The following MIER2 variants were observed in gnomAD, a reference collection of about 807,000 sequenced individuals.
MIER2 encodes mesoderm induction early response protein 2.
A neutral mutation model predicts 67.6 loss-of-function variants in MIER2; 30 were observed. That is an observed-to-expected ratio of 0.44 (90% CI 0.33 to 0.60). MIER2 has a LOEUF of 0.60. MIER2 is among the 20% of genes least tolerant of loss of function. The probability of loss-of-function intolerance (pLI) is 0.02; values close to 1 mark genes in which losing one functional copy is unlikely to be tolerated. For synonymous variants in MIER2, 372 were observed against 312.6 expected (o/e 1.19, Z -2.00); for missense variants, 702 against 745.1 (o/e 0.94, Z 0.67).
At chr19:328,955 G>A (rs1174985632) in intron 3 of MIER2, among the ~76,000 whole-genome samples, 1 of 152,176 alleles carries the variant, frequency 6.6e-6, no homozygotes, top group Non-Finnish European at 1.5e-5. Context: ...TAATTCCTGG[G>A]AAGGAAGAGA....
chr19:328,232 C>T (rs1971855498), intron 3 of MIER2, among the ~76,000 whole-genome samples: 1 of 152,164 alleles, frequency 6.6e-6, no homozygotes, highest in Non-Finnish European at 1.5e-5. Flanking sequence ...GGGCACCACC[C>T]TGCCCACAAT....
At chr19:330,072 T>C (rs1469707190) in intron 3 of MIER2, among the ~76,000 whole-genome samples, 5 of 152,036 alleles carry the variant, frequency 3.3e-5, no homozygotes, top group African/African-American at 1.2e-4. Flanking sequence ...TCGTTTCACC[T>C]GAAAGAATGC....
At position 336,089 on chromosome 19, in the gene MIER2, T is replaced by C. The variant is rs745671807; in HGVS notation, c.94A>G (p.Thr32Ala). The C allele has an allele frequency of 7.4e-6, 12 of 1,613,582 alleles. No homozygotes were observed. The highest frequency in any genetic ancestry group is 1.0e-5 in the Non-Finnish European group (12 of 1,179,668). ...GAAGGAGGGAGGAAGGTACCTGCTG[T>C]TGTCTGCAAGCCCGGCTCCCCTGGG... ...LCPGEPGLQTTAVVSMGSGDH... is the reference protein window; with the variant it reads ...LCPGEPGLQTAAVVSMGSGDH... Residue 32 changes from threonine (T) to alanine (A), a missense_variant, in exon 2 of 14, where the codon ACA becomes GCA. Physicochemically the swap from Thr to Ala is moderately conservative, Grantham distance 58. Around this residue, in one of 3 missense-constraint regions of MIER2, gnomAD observed 320 missense variants for 292.6 expected, o/e 1.09. Coordinates refer to ENST00000264819, the MANE Select transcript of MIER2 (RefSeq NM_017550.3).
chr19:313,793 T>A (rs1216875974), intron 7 of MIER2, 150 bp from the exon 8 acceptor site: 1 of 1,117,008 alleles, frequency 9.0e-7, no homozygotes, highest in Non-Finnish European at 1.2e-6. Flanking sequence ...ATCCCTGTGC[T>A]CCTCCTGGGC....
chr19:317,214 G>A (rs1971273849), intron 7 of MIER2, among the ~76,000 whole-genome samples: 1 of 152,228 alleles, frequency 6.6e-6, no homozygotes, highest in Non-Finnish European at 1.5e-5. Context: ...CCAACATGGA[G>A]ACAACCCATC....
chr19:319,420 A>G (rs1971406365), intron 7 of MIER2, among the ~76,000 whole-genome samples: 1 of 152,232 alleles, frequency 6.6e-6, no homozygotes, highest in Non-Finnish European at 1.5e-5. Context: ...GAACAAGGCT[A>G]AAGTTAGTCC....
rs1275018529 is a variant in MIER2 at position 308,763 on chromosome 19, G to A, written c.1109+38C>T. The A allele has an allele frequency of 1.3e-6, 2 of 1,593,930 alleles. No homozygotes were observed. Among genetic ancestry groups the A allele is most frequent in the Non-Finnish European group, 1.7e-6 (2 of 1,165,412 alleles). On this transcript the variant is annotated intron_variant, in intron 11 of 13. Coordinates refer to ENST00000264819, the MANE Select transcript of MIER2 (RefSeq NM_017550.3). The surrounding 1 kb of genome is among the most constrained non-coding windows in gnomAD (Gnocchi z 9.1). ...CCCACGTGCCCACCCCCGGCGGGGT[G>A]GCCGCCTGTCGTTACTGCTGGGGAG...
chr19:334,301 T>C, intron 3 of MIER2, 99 bp downstream of exon 3: 1 of 1,529,884 alleles, frequency 6.5e-7, no homozygotes. Context: ...ATGTACAATT[T>C]AGCACTTACC....
chr19:324,770 A>G (rs773834726), intron 7 of MIER2, among the ~76,000 whole-genome samples: 5 of 152,204 alleles, frequency 3.3e-5, no homozygotes, highest in Non-Finnish European at 7.3e-5. Context: ...CAGACAGGGC[A>G]CCCTCATGGG....
chr19:327,501 T>C (rs1361023648), intron 4 of MIER2, among the ~76,000 whole-genome samples: 3 of 152,210 alleles, frequency 2.0e-5, no homozygotes, highest in Non-Finnish European at 4.4e-5. Flanking sequence ...CCGGAGTGCA[T>C]GGCTCTTTCT....
chr19:313,665 G>A, intron 7 of MIER2, 22 bp from the exon 8 acceptor site: 1 of 1,603,420 alleles, frequency 6.2e-7, no homozygotes, highest in African/African-American at 1.3e-5. Context: ...GAGGGCAAAG[G>A]TCAGCTTGCA....
chr19:344,540 A>G (rs1369920801), intron 1 of MIER2: 2 of 306,898 alleles, frequency 6.5e-6, no homozygotes, highest in Admixed American at 6.7e-5. Context: ...GCGCATGCGC[A>G]CTGCAGCCCG....
At chr19:311,128 G>C (rs187979718) in intron 10 of MIER2, among the ~76,000 whole-genome samples, 1 of 152,236 alleles carries the variant, frequency 6.6e-6, no homozygotes, top group Non-Finnish European at 1.5e-5. Context: ...CCCAGGACAC[G>C]AGGCAGAAGC....
At chr19:326,798 C>T (rs968194597) in intron 5 of MIER2, 200 bp from the exon 6 acceptor site, 2 of 593,304 alleles carry the variant, frequency 3.4e-6, no homozygotes, top group Non-Finnish European at 5.9e-6. Flanking sequence ...TTCTATGCAG[C>T]TGCTGCACCT....
intron 13 of MIER2, 73 bp downstream of exon 13, chr19:307,046 C>T (rs914279074): frequency 3.4e-6 from 5 of 1,488,730 alleles, no homozygotes; most frequent in East Asian, 4.9e-5. Flanking sequence ...TCCCACCCTC[C>T]TCTGCTCAGC....
intron 10 of MIER2, among the ~76,000 whole-genome samples, chr19:310,894 C>G (rs1437227653): frequency 6.6e-6 from 1 of 152,206 alleles, no homozygotes; most frequent in African/African-American, 2.4e-5. Flanking sequence ...GACAGGGGCT[C>G]CAAGTGTAGC....
intron 7 of MIER2, among the ~76,000 whole-genome samples, chr19:322,550 G>A (rs1371784619): frequency 6.6e-6 from 1 of 152,090 alleles, no homozygotes; most frequent in Non-Finnish European, 1.5e-5. Context: ...CACGCAAAGA[G>A]AGAATATCCA....
At chr19:326,650 T>C in intron 5 of MIER2, 52 bp from the exon 6 acceptor site, 1 of 1,400,196 alleles carries the variant, frequency 7.1e-7, no homozygotes. Flanking sequence ...CTGCAGCCTA[T>C]ACAACCCCTT....
chr19:337,261 GTCGATTTAATA>G (rs1972299915), intron 1 of MIER2, among the ~76,000 whole-genome samples: 1 of 152,094 alleles, frequency 6.6e-6, no homozygotes, highest in South Asian at 2.1e-4. Context: ...GGGATGCAAG[GTCGATTTAATA>G]TCCAAAAGTC....
Sources: gnomAD v4.1 joint callset for allele counts (sites outside exome capture counted in the v4.1 genomes callset) on GRCh38, gnomAD v4.1.1 for gene constraint, gnomAD v4.1.1 regional missense constraint, Gnocchi (gnomAD v3.1) non-coding constraint, MANE v1.5 for transcripts, NCBI Gene and HGNC (gene_info 2026-07-23, HGNC 2026-07-21) for gene names.